PGS1: variants seen among roughly 807,000 people sequenced by gnomAD.
PGS1 encodes phosphatidylglycerophosphate synthase 1, also known as CDP-diacylglycerol--glycerol-3-phosphate 3-phosphatidyltransferase, mitochondrial.
In PGS1, 44 loss-of-function variants were observed where a neutral mutation model predicts 58.3. That is an observed-to-expected ratio of 0.75 (90% CI 0.59 to 0.97). PGS1 has a LOEUF of 0.97. Ranked by LOEUF, PGS1 falls within the 50% of genes least tolerant of loss-of-function variation. The pLI is 0.00. For synonymous variants in PGS1, 330 were observed against 311.0 expected, an observed-to-expected ratio of 1.06 and a Z score of -0.64; for missense variants, 684 against 731.1, an observed-to-expected ratio of 0.94 and a Z score of 0.74.
intron 6 of PGS1, 35 bp from the exon 7 acceptor site, chr17:78,403,533 C>T (rs200013586): frequency 6.3e-7 from 1 of 1,594,126 alleles, no homozygotes; most frequent in Non-Finnish European, 8.6e-7. Context: ...CCCTCCATTT[C>T]TCTTCCCTTC....
intron 8 of PGS1, among the ~76,000 whole-genome samples, 154 bp downstream of exon 8, chr17:78,415,181 A>G (rs979106473): frequency 1.3e-5 from 2 of 152,232 alleles, no homozygotes; most frequent in African/African-American, 4.8e-5. Context: ...CCAAGAGTGC[A>G]GTGATGGGTG....
chr17:78,385,280 G>A (rs1334055607), intron 1 of PGS1, among the ~76,000 whole-genome samples: 3 of 151,456 alleles, frequency 2.0e-5, no homozygotes, highest in Non-Finnish European at 2.9e-5. Context: ...TACCATGCCC[G>A]GCTAATTTTT....
intron 7 of PGS1, among the ~76,000 whole-genome samples, chr17:78,404,565 T>C (rs892403633): frequency 2.0e-5 from 3 of 152,072 alleles, no homozygotes; most frequent in Admixed American, 2.0e-4. Context: ...TTGTGTAAAA[T>C]CCGTCTCTTT....
In PGS1 at chr17:78,378,730, C is replaced by G. The variant is rs1193532342; in HGVS notation, c.65C>G (p.Pro22Arg). Residue 22 changes from proline (P) to arginine (R), a missense_variant, in exon 1 of 10, where the codon CCT becomes CGT. Transcript: ENST00000262764. Reference sequence around the variant, plus strand: ...TGGAGGCGACTGCTGGGCCTCCTGCCTGGCCGCCCAGGGCTGGCCGCGCTC... The same window carrying G: ...TGGAGGCGACTGCTGGGCCTCCTGCGTGGCCGCCCAGGGCTGGCCGCGCTC... ...VFWRRLLGLLPGRPGLAALLG... is the reference protein window; with the variant it reads ...VFWRRLLGLLRGRPGLAALLG... The G allele has an allele frequency of 1.3e-6, 2 of 1,514,122 alleles. No individual in the cohort carries two copies. Among genetic ancestry groups the G allele is most frequent in the Middle Eastern group, 2.0e-4 (1 of 4,924 alleles). The allele number at this position is 1,514,122 out of a possible 1,614,324, so 93.8% of individuals were successfully genotyped here.
chr17:78,390,683 A>G lies in PGS1; in HGVS notation c.144-1793A>G, dbSNP rs551899412. 8.5e-5 allele frequency among the ~76,000 whole-genome samples: 13 copies of G among 152,166 alleles called. No individual in the cohort carries two copies. In the East Asian group the frequency reaches 1.4e-3, roughly 16 times the overall value. ...TCCTGCTGCTGTTTGCAGGACTAGG[A>G]TTCATAGTAGGTCAGGTCTGTGTGG... On this transcript the variant is annotated intron_variant, in intron 1 of 9. Transcript: ENST00000262764.
chr17:78,393,266 T>A (rs972158855), intron 2 of PGS1, among the ~76,000 whole-genome samples: 4 of 151,184 alleles, frequency 2.6e-5, no homozygotes, highest in African/African-American at 7.3e-5. Context: ...TTCACTGTGT[T>A]AGCCAGGATG....
chr17:78,398,913 C>T (rs1372638684), intron 4 of PGS1, among the ~76,000 whole-genome samples: 2 of 152,182 alleles, frequency 1.3e-5, no homozygotes, highest in Non-Finnish European at 2.9e-5. Flanking sequence ...TCCTGACTGG[C>T]CTGACGGTGG....
At chr17:78,392,205 T>C (rs2082885180) in intron 1 of PGS1, among the ~76,000 whole-genome samples, 1 of 152,192 alleles carries the variant, frequency 6.6e-6, no homozygotes, top group Non-Finnish European at 1.5e-5. Flanking sequence ...GGAATTAAAG[T>C]TTGGGATTTA....
At chr17:78,384,412 T>A (rs1281003973) in intron 1 of PGS1, among the ~76,000 whole-genome samples, 1 of 152,226 alleles carries the variant, frequency 6.6e-6, no homozygotes, top group Non-Finnish European at 1.5e-5. Context: ...CTTTTTCTCA[T>A]CAGTTCACTT....
chr17:78,391,730 G>A (rs956107517), intron 1 of PGS1, among the ~76,000 whole-genome samples: 1 of 152,002 alleles, frequency 6.6e-6, no homozygotes, highest in Admixed American at 6.6e-5. Context: ...TACCTGCCTC[G>A]GCCTCCCAAA....
intron 9 of PGS1, chr17:78,420,285 TTCACCAGAGGCACCAGTGGGGTCCCACAG>T (rs2146350162): frequency 1.1e-6 from 1 of 942,100 alleles, no homozygotes; most frequent in Non-Finnish European, 1.3e-6. Context: ...GGCCTGCCGC[TTCACCAGAGGCACCAGTGGGGTCCCACAG>T]TCACCTGAGG....
chr17:78,386,915 C>T (rs2082423499), intron 1 of PGS1, among the ~76,000 whole-genome samples: 1 of 152,106 alleles, frequency 6.6e-6, no homozygotes, highest in African/African-American at 2.4e-5. Flanking sequence ...CTGGCTCCTT[C>T]TGTCCTGGCT....
rs747167290 is a variant in PGS1, at chr17:78,404,067, G to A, written c.1380G>A (p.Arg460=). The change falls in exon 7 of 10, where the codon AGG becomes AGA. Residue 460 remains arginine, a synonymous_variant. Transcript: ENST00000262764. ...TCCAGCTTCAGGAGTACTGGCGGAG[G>A]GGCTGGACGTTCCACGCCAAAGGTG... ...ERVQLQEYWR[R]GWTFHAKGLW... 1.3e-6 allele frequency: 2 copies of A among 1,587,788 alleles called. No individual in the cohort carries two copies. The highest frequency in any genetic ancestry group is 2.3e-5 in the East Asian group (1 of 44,130).
intron 1 of PGS1, among the ~76,000 whole-genome samples, chr17:78,390,454 G>T (rs1057446640): frequency 6.6e-6 from 1 of 152,228 alleles, no homozygotes; most frequent in Non-Finnish European, 1.5e-5. Context: ...GGCAGTGACA[G>T]ACCGGTGGGC....
In PGS1 at chr17:78,424,502, G is replaced by A. The variant is rs75690512; in HGVS notation, c.*452G>A. The stretch of plus-strand genomic sequence containing the variant: ...AGAGTAAAGTTCCCTGATTCTTAAT[G>A]TGTAATGTCTGCCCTATGTGTACAT... On this transcript the variant is annotated 3_prime_UTR_variant, in exon 10 of 10. Transcript: ENST00000262764. 539 of 281,404 alleles carry A rather than the reference G, an allele frequency of 1.9e-3. 1 individual carries two copies. The highest frequency in any genetic ancestry group is 9.3e-3 in the African/African-American group (437 of 47,094). The allele number at this position is 281,404 out of a possible 1,614,324, so 17.4% of individuals were successfully genotyped here.
Position 78,423,720 on chromosome 17 carries a change from C to T in PGS1, c.*11-341C>T, listed in dbSNP as rs370782545. The T allele has an allele frequency of 4.2e-6, 3 of 712,310 alleles. No individual in the cohort carries two copies. The African/African-American group carries it at 5.3e-5, about 13-fold the overall frequency. 44.1% of individuals were successfully genotyped at this position (712,310 alleles called of 1,614,324 possible). ...GCTGAGTGGCTCCACTGGCTTTAAT[C>T]TGCCCCACCTCTTCCACACCAACCT... On this transcript the variant is annotated intron_variant, in intron 9 of 9. Transcript: ENST00000262764.
chr17:78,401,650 G>A (rs532163276), intron 6 of PGS1, among the ~76,000 whole-genome samples: 21 of 152,136 alleles, frequency 1.4e-4, no homozygotes, highest in African/African-American at 3.6e-4. Flanking sequence ...TCAGTGGGCC[G>A]TCTGGTGGAA....
intron 9 of PGS1, chr17:78,423,669 C>T (rs2086181109): frequency 3.9e-6 from 2 of 507,962 alleles, no homozygotes; most frequent in South Asian, 2.7e-5. Flanking sequence ...TCACAGTGGC[C>T]ATCAGGCACA....
At chr17:78,409,003 T>G (rs1016551699) in intron 7 of PGS1, among the ~76,000 whole-genome samples, 2 of 152,088 alleles carry the variant, frequency 1.3e-5, no homozygotes, top group Admixed American at 6.5e-5. Flanking sequence ...GTTGAAAGTG[T>G]GGTATCTGCT....
Sources: allele counts gnomAD v4.1 joint callset (sites outside exome capture counted in the v4.1 genomes callset), GRCh38; gene constraint gnomAD v4.1.1; transcripts MANE v1.5; gene names NCBI Gene and HGNC (gene_info 2026-07-23, HGNC 2026-07-21).